The following MAP3K2 variants were observed in gnomAD, a reference collection of about 807,000 sequenced individuals.
MAP3K2 encodes the protein mitogen-activated protein kinase kinase kinase 2, also known as MAP/ERK kinase kinase 2.
A neutral mutation model predicts 80.3 loss-of-function variants in MAP3K2; 24 were observed. That is an observed-to-expected ratio of 0.30 (90% CI 0.22 to 0.42). The LOEUF is 0.42. Ranked by LOEUF, MAP3K2 falls within the 10% of genes least tolerant of loss-of-function variation. MAP3K2 has a pLI of 1.00. For missense variants in MAP3K2, 608 were observed against 750.1 expected, an observed-to-expected ratio of 0.81 and a Z score of 2.21; for synonymous variants, 244 against 253.7, an observed-to-expected ratio of 0.96 and a Z score of 0.36.
chr2:127,346,282 A>G (rs1686593133), intron 1 of MAP3K2, among the ~76,000 whole-genome samples: 1 of 151,822 alleles, frequency 6.6e-6, no homozygotes, highest in South Asian at 2.1e-4. Context: ...ACTCATCAAG[A>G]AGAAATTAAG....
In MAP3K2 at chr2:127,302,759, T is replaced by C. The variant is rs1009649799; in HGVS notation, c.*4820A>G. On this transcript the variant is annotated 3_prime_UTR_variant, in exon 17 of 17. Coordinates refer to ENST00000682094, the MANE Select transcript of MAP3K2 (RefSeq NM_001371910.2). The stretch of plus-strand genomic sequence containing the variant: ...AATCAAATATTCAACCCAGAAAACA[T>C]TTACATGTCTCTTTAGAACGAGAAT... The C allele has an allele frequency of 1.3e-5, 2 of 152,184 alleles. No individual in the cohort carries two copies. The highest frequency in any genetic ancestry group is 2.4e-5 in the African/African-American group (1 of 41,442). The allele number at this position is 152,184 out of a possible 1,614,324, so 9.4% of individuals were successfully genotyped here. A position where few individuals can be genotyped will look rare whatever the true frequency, so the allele number is the denominator to read the frequency against.
intron 1 of MAP3K2, among the ~76,000 whole-genome samples, chr2:127,345,874 T>C (rs1043393366): frequency 6.6e-6 from 1 of 152,098 alleles, no homozygotes; most frequent in African/African-American, 2.4e-5. Flanking sequence ...ATAAAATTTA[T>C]AACTGTAAAT....
rs1686033112 is a variant in MAP3K2, at chr2:127,322,082, T to C, written c.1009A>G (p.Thr337Ala). 6.2e-7 allele frequency: 1 copy of C among 1,613,674 alleles called. No homozygotes were observed. Among genetic ancestry groups the C allele is most frequent in the South Asian group, 1.1e-5 (1 of 91,010 alleles). ...GGGCTGATGTCCATTACGGTCAAAG[T>C]AGGATTGTCTATGTCACTTCCCCTT... ...RRRGSDIDNP[T>A]LTVMDISPPS... The change falls in exon 12 of 17, where the codon ACT becomes GCT. Residue 337 changes from threonine to alanine, a missense_variant. Thr to Ala is a moderately conservative substitution (Grantham distance 58). Transcript: ENST00000682094. This position sits in a 1 kb window ranked among gnomAD's most constrained non-coding sequence, Gnocchi z 4.2.
rs1424095063 is a variant in MAP3K2, at chr2:127,337,729, C to T, written c.164+9G>A. The T allele has an allele frequency of 1.4e-6, 2 of 1,464,082 alleles. No homozygotes were observed. The highest frequency in any genetic ancestry group is 1.2e-5 in the South Asian group (1 of 80,242). 90.7% of individuals were successfully genotyped at this position (1,464,082 alleles called of 1,614,324 possible). On this transcript the variant is annotated intron_variant, in intron 4 of 16. Coordinates refer to ENST00000682094, the MANE Select transcript of MAP3K2 (RefSeq NM_001371910.2). ...TCAATTAATTAACATGTAATGTTTCCTTCCTTACCTTTTTTCTCCTCTATG... is the reference window on the plus strand; with the variant it reads ...TCAATTAATTAACATGTAATGTTTCTTTCCTTACCTTTTTTCTCCTCTATG...
In MAP3K2 at chr2:127,324,227, T is replaced by C; in HGVS notation, c.692A>G (p.Lys231Arg). The change falls in exon 10 of 17, where the codon AAA becomes AGA. Residue 231 changes from lysine to arginine, a missense_variant. Physicochemically the swap from Lys to Arg is conservative, Grantham distance 26. Around this residue, in one of 4 missense-constraint regions of MAP3K2, gnomAD observed 467 missense variants for 521.9 expected, o/e 0.89. Coordinates refer to ENST00000682094, the MANE Select transcript of MAP3K2 (RefSeq NM_001371910.2). ...DSPLDGESYP[K>R]SRMPRAQSYP... ...GCTCTGAGCCCTAGGCATTCGTGAT[T>C]TTGGATAGCTCTCTCTATAAAGAAA... 1 of 1,559,634 alleles carries C rather than the reference T, an allele frequency of 6.4e-7. No individual in the cohort carries two copies. The highest frequency in any genetic ancestry group is 8.7e-7 in the Non-Finnish European group (1 of 1,151,942).
intron 1 of MAP3K2, among the ~76,000 whole-genome samples, chr2:127,362,033 A>T (rs1485003071): frequency 6.6e-6 from 1 of 152,146 alleles, no homozygotes; most frequent in Admixed American, 6.5e-5. Flanking sequence ...TCTAAGCGGC[A>T]AATTGATTTT....
At chr2:127,320,541 G>A (rs1685997673) in intron 12 of MAP3K2, among the ~76,000 whole-genome samples, 1 of 152,066 alleles carries the variant, frequency 6.6e-6, no homozygotes. Context: ...AAAGAAAAAG[G>A]AAGAATGAGA....
intron 4 of MAP3K2, among the ~76,000 whole-genome samples, chr2:127,336,824 T>A (rs1328072355): frequency 6.6e-6 from 1 of 152,200 alleles, no homozygotes; most frequent in African/African-American, 2.4e-5. Context: ...ATTAATTTCA[T>A]GAGACACTAA....
chr2:127,383,195 T>A, intron 1 of MAP3K2, among the ~76,000 whole-genome samples: 1 of 152,272 alleles, frequency 6.6e-6, no homozygotes, highest in Admixed American at 6.5e-5. Context: ...TCCAGTCACC[T>A]CCCACCAGGC....
intron 4 of MAP3K2, 108 bp from the exon 5 acceptor site, chr2:127,336,077 A>C (rs1051909800): frequency 9.6e-6 from 6 of 624,228 alleles, no homozygotes; most frequent in Non-Finnish European, 1.7e-5. Flanking sequence ...AAAATTACGT[A>C]AATATTCACT....
intron 1 of MAP3K2, among the ~76,000 whole-genome samples, chr2:127,344,475 C>G (rs1342486498): frequency 7.1e-6 from 1 of 140,510 alleles, no homozygotes; most frequent in Non-Finnish European, 1.5e-5. Flanking sequence ...CATAGGGAGA[C>G]TCCCATTTCC....
chr2:127,380,368 T>A (rs950798142), intron 1 of MAP3K2, among the ~76,000 whole-genome samples: 3 of 152,176 alleles, frequency 2.0e-5, no homozygotes, highest in Admixed American at 2.0e-4. Flanking sequence ...ATAAAATATA[T>A]TAAACTATTC....
At chr2:127,381,991 A>T (rs1187345362) in intron 1 of MAP3K2, among the ~76,000 whole-genome samples, 1 of 152,148 alleles carries the variant, frequency 6.6e-6, no homozygotes, top group African/African-American at 2.4e-5. Context: ...TGATCTCTTA[A>T]AAAAAATCAT....
intron 8 of MAP3K2, among the ~76,000 whole-genome samples, chr2:127,326,217 G>T (rs541575851): frequency 4.0e-5 from 6 of 148,740 alleles, no homozygotes; most frequent in Non-Finnish European, 8.9e-5. Context: ...ATTAGAAAAT[G>T]TAAACTACTA....
In MAP3K2 at chr2:127,342,388, G is replaced by GGTGTGTGTGTGTGTGTGTGTGTGTGTGT. The variant is rs56300936; in HGVS notation, c.4+710_4+737dup. ...TGGGCAAATATAAGTTCTTCATGAGGGTGTGTGTGTGTGTGTGTGTGTGTG... is the reference window on the plus strand; with the variant it reads ...TGGGCAAATATAAGTTCTTCATGAGGGTGTGTGTGTGTGTGTGTGTGTGTGTGTGTGTGTGTGTGTGTGTGTGTGTGTG... On this transcript the variant is annotated intron_variant, in intron 2 of 16. Transcript: ENST00000682094. Among the ~76,000 whole-genome samples the GGTGTGTGTGTGTGTGTGTGTGTGTGTGT allele has an allele frequency of 3.7e-4, 55 of 147,858 alleles. 1 individual carries two copies. The highest frequency in any genetic ancestry group is 1.3e-3 in the African/African-American group (51 of 39,756).
intron 5 of MAP3K2, among the ~76,000 whole-genome samples, chr2:127,334,174 CAA>C (rs1327441956): frequency 3.0e-4 from 45 of 151,800 alleles, no homozygotes; most frequent in Middle Eastern, 3.4e-3. Context: ...AATTACATAG[CAA>C]ACTGGGAGAA....
chr2:127,324,222 G>A lies in MAP3K2; in HGVS notation c.697C>T (p.Arg233Ter), dbSNP rs868314266. ...PLDGESYPKS[R>*]MPRAQSYPDN... ...GGGTAGCTCTGAGCCCTAGGCATTC[G>A]TGATTTTGGATAGCTCTCTCTATAA... is the stretch of plus-strand genomic sequence containing the variant. The change falls in exon 10 of 17, where the codon CGA becomes TGA. Residue 233 changes from arginine to a stop codon, truncating the protein, a stop_gained. Coordinates refer to ENST00000682094, the MANE Select transcript of MAP3K2 (RefSeq NM_001371910.2). LOFTEE classifies it high-confidence loss of function. 1 of 1,563,052 alleles carries A rather than the reference G, an allele frequency of 6.4e-7. No individual in the cohort carries two copies. Among genetic ancestry groups the A allele is most frequent in the Non-Finnish European group, 8.7e-7 (1 of 1,154,278 alleles).
chr2:127,302,396 CAT>C lies in MAP3K2; in HGVS notation c.*5181_*5182del, dbSNP rs1685612220. ...CCAGAAACTGACCTAATTGAACACT[CAT>C]ACCTTTCCCCTTCTTCCTTCCCATC... On this transcript the variant is annotated 3_prime_UTR_variant, in exon 17 of 17. Transcript: ENST00000682094. The C allele has an allele frequency of 6.6e-6, 1 of 152,000 alleles. No individual in the cohort carries two copies. The highest frequency in any genetic ancestry group is 1.5e-5 in the Non-Finnish European group (1 of 68,036). 9.4% of individuals were successfully genotyped at this position (152,000 alleles called of 1,614,324 possible).
intron 1 of MAP3K2, among the ~76,000 whole-genome samples, chr2:127,362,719 T>C (rs1045448806): frequency 1.3e-5 from 2 of 152,238 alleles, no homozygotes; most frequent in Non-Finnish European, 2.9e-5. Flanking sequence ...CGGCTGTCAG[T>C]GCCACGGTTC....
Sources: allele counts gnomAD v4.1 joint callset (sites outside exome capture counted in the v4.1 genomes callset), GRCh38; gene constraint gnomAD v4.1.1; regional missense constraint gnomAD v4.1.1; non-coding constraint Gnocchi (gnomAD v3.1); transcripts MANE v1.5; gene names NCBI Gene and HGNC (gene_info 2026-07-23, HGNC 2026-07-21).